KIAA1958: variants seen among roughly 807,000 people sequenced by gnomAD.
KIAA1958 encodes the protein KIAA1958.
Under a neutral mutation model 47.2 loss-of-function variants are expected in KIAA1958, and 14 were observed. The observed-to-expected ratio is 0.30, with a 90% CI of 0.20 to 0.46. KIAA1958 has a LOEUF of 0.46. KIAA1958 is among the 20% of genes least tolerant of loss of function. KIAA1958 has a pLI of 1.00. For missense variants in KIAA1958, 803 were observed against 909.2 expected, an observed-to-expected ratio of 0.88 and a Z score of 1.50; for synonymous variants, 354 against 353.3, an observed-to-expected ratio of 1.00 and a Z score of -0.02.
intron 2 of KIAA1958, among the ~76,000 whole-genome samples, chr9:112,612,885 G>A (rs573919199): frequency 6.6e-6 from 1 of 152,256 alleles, no homozygotes; most frequent in East Asian, 1.9e-4. Context: ...TAGGGAGTTA[G>A]GAAACTGGAA....
At chr9:112,581,325 T>C (rs1835730844) in intron 2 of KIAA1958, among the ~76,000 whole-genome samples, 1 of 152,210 alleles carries the variant, frequency 6.6e-6, no homozygotes, top group African/African-American at 2.4e-5. Context: ...TTTATTAATA[T>C]TTTTATTTTC....
intron 3 of KIAA1958, among the ~76,000 whole-genome samples, chr9:112,658,994 T>A (rs192861278): frequency 0.012 from 1,376 of 117,228 alleles, 12 homozygotes; most frequent in Non-Finnish European, 0.018. Flanking sequence ...CACTCCAGCC[T>A]GGGCGACAGA....
intron 2 of KIAA1958, among the ~76,000 whole-genome samples, chr9:112,605,384 A>T (rs1193429723): frequency 6.6e-6 from 1 of 151,816 alleles, no homozygotes; most frequent in East Asian, 1.9e-4. Flanking sequence ...TCTGCCTCTG[A>T]CCTCCTGCTT....
chr9:112,495,582 G>A (rs1412500456), intron 1 of KIAA1958, among the ~76,000 whole-genome samples: 1 of 152,212 alleles, frequency 6.6e-6, no homozygotes, highest in Non-Finnish European at 1.5e-5. Flanking sequence ...AAATTGGAAT[G>A]GAAATGTAAA....
chr9:112,493,112 A>T (rs552922951), intron 1 of KIAA1958, among the ~76,000 whole-genome samples: 1 of 152,008 alleles, frequency 6.6e-6, no homozygotes, highest in East Asian at 1.9e-4. Flanking sequence ...ATTCAGTGGA[A>T]GTGCTAATGC....
chr9:112,619,928 T>C lies in KIAA1958; in HGVS notation c.1172-25722T>C, dbSNP rs16917136. On this transcript the variant is annotated intron_variant, in intron 2 of 3. Transcript: ENST00000337530. ...TTACTTAGAAGCATTAAACAGTCTC[T>C]TTTCTCCTGAGGCAAGGGTGTGTAT... Among the ~76,000 whole-genome samples, 1,229 of 152,292 alleles carry C rather than the reference T, an allele frequency of 8.1e-3. 20 individuals carry two copies. The highest frequency in any genetic ancestry group is 0.027 in the African/African-American group (1,121 of 41,564).
chr9:112,529,894 A>G (rs1834723719), intron 1 of KIAA1958, among the ~76,000 whole-genome samples: 1 of 151,710 alleles, frequency 6.6e-6, no homozygotes, highest in Non-Finnish European at 1.5e-5. Context: ...CCCAGGCTGG[A>G]GTGCAGTGGT....
At chr9:112,610,604 A>G (rs1338597931) in intron 2 of KIAA1958, among the ~76,000 whole-genome samples, 2 of 152,302 alleles carry the variant, frequency 1.3e-5, no homozygotes, top group African/African-American at 2.4e-5. Flanking sequence ...GAAGAAGTAG[A>G]TGATTTTCTA....
Position 112,571,039 on chromosome 9 carries a change from C to G in KIAA1958, c.-24-3018C>G, listed in dbSNP as rs1002902510. 4.6e-5 allele frequency among the ~76,000 whole-genome samples: 7 copies of G among 152,186 alleles called. No homozygotes were observed. In the East Asian group the frequency reaches 1.3e-3, roughly 29 times the overall value. On this transcript the variant is annotated intron_variant, in intron 1 of 3. Transcript: ENST00000337530. ...TCTCAGAGAGAGAACAATTCACCTTCTGTATTTGTTCTGTCTGGGGCCCCA... is the reference window on the plus strand; with the variant it reads ...TCTCAGAGAGAGAACAATTCACCTTGTGTATTTGTTCTGTCTGGGGCCCCA...
At chr9:112,492,701 A>C in intron 1 of KIAA1958, among the ~76,000 whole-genome samples, 1 of 152,132 alleles carries the variant, frequency 6.6e-6, no homozygotes, top group African/African-American at 2.4e-5. Flanking sequence ...TTCACTCTTC[A>C]TATTCATTGT....
At chr9:112,504,796 A>T (rs73543746) in intron 1 of KIAA1958, among the ~76,000 whole-genome samples, 1 of 152,202 alleles carries the variant, frequency 6.6e-6, no homozygotes, top group Admixed American at 6.5e-5. Flanking sequence ...GTGTGTCTAT[A>T]TGTATATATG....
chr9:112,634,628 G>A (rs756227241), intron 2 of KIAA1958, among the ~76,000 whole-genome samples: 84 of 152,242 alleles, frequency 5.5e-4, no homozygotes, highest in East Asian at 1.3e-3. Context: ...GGTTTGTTAC[G>A]TAGGTAAACT....
Position 112,645,723 on chromosome 9 carries a change from AG to A in KIAA1958, c.1246del (p.Val416Ter), listed in dbSNP as rs1377816745. 1 of 1,614,008 alleles carries A rather than the reference AG, an allele frequency of 6.2e-7. No individual in the cohort carries two copies. The highest frequency in any genetic ancestry group is 1.7e-5 in the Admixed American group (1 of 60,016). ...ACTTGAATGATCTGTGTACCAGTGCAGTAAGCCCAAATACTACCAAAGCCAC... is the reference window on the plus strand; with the variant it reads ...ACTTGAATGATCTGTGTACCAGTGCATAAGCCCAAATACTACCAAAGCCAC... ...DDLNDLCTSA[V>X]SPNTTKATRY... On this transcript the variant is annotated frameshift_variant, in exon 3 of 4. Coordinates refer to ENST00000337530, the MANE Select transcript of KIAA1958 (RefSeq NM_133465.4). LOFTEE classifies it high-confidence loss of function.
At chr9:112,557,491 C>G (rs1835263016) in intron 1 of KIAA1958, among the ~76,000 whole-genome samples, 1 of 152,128 alleles carries the variant, frequency 6.6e-6, no homozygotes, top group South Asian at 2.1e-4. Context: ...GGATTCAGGC[C>G]TCAGCAGCCA....
chr9:112,553,122 C>G (rs1041662632), intron 1 of KIAA1958, among the ~76,000 whole-genome samples: 10 of 148,182 alleles, frequency 6.7e-5, no homozygotes, highest in African/African-American at 2.5e-4. Flanking sequence ...TTGTCCTCTC[C>G]TCTCCTCCCC....
chr9:112,492,901 C>G (rs1377619611), intron 1 of KIAA1958, among the ~76,000 whole-genome samples: 1 of 149,720 alleles, frequency 6.7e-6, no homozygotes, highest in African/African-American at 2.5e-5. Flanking sequence ...AGGTGCACAC[C>G]CAGAGCCCAG....
intron 2 of KIAA1958, among the ~76,000 whole-genome samples, chr9:112,634,891 T>G (rs1836776898): frequency 6.6e-6 from 1 of 152,196 alleles, no homozygotes; most frequent in African/African-American, 2.4e-5. Context: ...ATAAAGCTGG[T>G]CTCCTGTGTT....
chr9:112,633,101 C>T (rs937101734), intron 2 of KIAA1958, among the ~76,000 whole-genome samples: 2 of 151,826 alleles, frequency 1.3e-5, no homozygotes, highest in Non-Finnish European at 2.9e-5. Flanking sequence ...ACTTGCAGAC[C>T]TTTTCTGGAT....
At chr9:112,593,371 G>A (rs1269915108) in intron 2 of KIAA1958, among the ~76,000 whole-genome samples, 1 of 152,138 alleles carries the variant, frequency 6.6e-6, no homozygotes, top group African/African-American at 2.4e-5. Context: ...CACGGAGGGG[G>A]TCAGTGAAAG....
Sources: gnomAD v4.1 joint callset for allele counts (sites outside exome capture counted in the v4.1 genomes callset) on GRCh38, gnomAD v4.1.1 for gene constraint, MANE v1.5 for transcripts, NCBI Gene and HGNC (gene_info 2026-07-23, HGNC 2026-07-21) for gene names.